The following PDE4B variants were observed in gnomAD, a reference collection of about 807,000 sequenced individuals.
PDE4B encodes 3',5'-cyclic-AMP phosphodiesterase 4B.
In PDE4B, 20 loss-of-function variants were observed where a neutral mutation model predicts 82.2. The observed-to-expected ratio is 0.24, with a 90% CI of 0.17 to 0.35. The LOEUF (loss-of-function observed/expected upper bound fraction) is 0.35, where lower values mean the gene tolerates loss of function less well. Among genes scored for constraint, PDE4B ranks in the 10% least tolerant of loss-of-function variants. The pLI, the probability that PDE4B is intolerant of heterozygous loss-of-function variation, is 1.00. For missense variants in PDE4B, 655 were observed against 907.2 expected, an observed-to-expected ratio of 0.72 and a Z score of 3.57; for synonymous variants, 320 against 318.9, an observed-to-expected ratio of 1.00 and a Z score of -0.04.
chr1:65,986,991 A>G (rs950043503), intron 3 of PDE4B, among the ~76,000 whole-genome samples: 9 of 152,166 alleles, frequency 5.9e-5, no homozygotes, highest in Non-Finnish European at 1.0e-4. Context: ...TTCTGTGAAC[A>G]AAAAGGAGGC....
At chr1:66,106,299 T>C (rs1645353874) in intron 3 of PDE4B, among the ~76,000 whole-genome samples, 1 of 151,088 alleles carries the variant, frequency 6.6e-6, no homozygotes, top group Middle Eastern at 3.2e-3. Context: ...CACTTGATCA[T>C]GGTGGATAAG....
intron 3 of PDE4B, among the ~76,000 whole-genome samples, chr1:66,060,610 A>G (rs193160915): frequency 7.5e-4 from 115 of 152,322 alleles, no homozygotes; most frequent in Middle Eastern, 3.4e-3. Context: ...AAATTTTGAT[A>G]TATTTGGCTA....
intron 3 of PDE4B, among the ~76,000 whole-genome samples, chr1:66,153,119 T>C (rs1023187956): frequency 6.6e-6 from 1 of 152,170 alleles, no homozygotes; most frequent in African/African-American, 2.4e-5. Context: ...CTCTCCCACC[T>C]TGTATTTTCC....
At chr1:66,089,267 G>C (rs189705886) in intron 3 of PDE4B, among the ~76,000 whole-genome samples, 1 of 152,078 alleles carries the variant, frequency 6.6e-6, no homozygotes, top group Non-Finnish European at 1.5e-5. Context: ...ATAGCCATCC[G>C]CTACGTAGCC....
At chr1:66,006,297 T>C (rs1416851746) in intron 3 of PDE4B, among the ~76,000 whole-genome samples, 1 of 152,132 alleles carries the variant, frequency 6.6e-6, no homozygotes, top group Non-Finnish European at 1.5e-5. Context: ...TGGCTAGTAT[T>C]TTCGTTTTTT....
chr1:65,861,948 G>T (rs533146783), intron 1 of PDE4B, among the ~76,000 whole-genome samples: 15 of 152,160 alleles, frequency 9.9e-5, no homozygotes, highest in African/African-American at 3.6e-4. Flanking sequence ...GGAGTTTTTG[G>T]GCTGAAATGA....
chr1:65,876,442 A>C (rs1039791587), intron 1 of PDE4B, among the ~76,000 whole-genome samples: 1 of 152,158 alleles, frequency 6.6e-6, no homozygotes, highest in Non-Finnish European at 1.5e-5. Flanking sequence ...TTACATGTAC[A>C]TACATACATA....
chr1:66,366,844 C>CA (rs1256604909), intron 13 of PDE4B, among the ~76,000 whole-genome samples: 1 of 152,188 alleles, frequency 6.6e-6, no homozygotes, highest in Non-Finnish European at 1.5e-5. Context: ...ATGAACAAAA[C>CA]AAGAGTACTC....
At chr1:66,042,611 T>C (rs1654448403) in intron 3 of PDE4B, 1 of 151,694 alleles carries the variant, frequency 6.6e-6, no homozygotes, top group African/African-American at 2.4e-5. Context: ...TACAACAAGC[T>C]CTCCATAAAG....
chr1:66,151,922 A>C (rs140094049), intron 3 of PDE4B, among the ~76,000 whole-genome samples: 1 of 152,212 alleles, frequency 6.6e-6, no homozygotes, highest in Non-Finnish European at 1.5e-5. Context: ...TATGTTTCTT[A>C]TAGCACCTAG....
intron 3 of PDE4B, among the ~76,000 whole-genome samples, chr1:66,206,272 A>G (rs1649544052): frequency 6.6e-6 from 1 of 152,180 alleles, no homozygotes; most frequent in Non-Finnish European, 1.5e-5. Context: ...ATTATGAGCT[A>G]GCTTCAGAAG....
chr1:66,003,322 G>A (rs2100715435), intron 3 of PDE4B, among the ~76,000 whole-genome samples: 1 of 146,660 alleles, frequency 6.8e-6, no homozygotes, highest in African/African-American at 2.5e-5. Flanking sequence ...AAATTTTATT[G>A]TCTTGTTTTG....
intron 3 of PDE4B, among the ~76,000 whole-genome samples, chr1:66,187,761 T>G (rs943614260): frequency 1.3e-5 from 2 of 151,980 alleles, no homozygotes; most frequent in African/African-American, 4.8e-5. Flanking sequence ...TCTATCAATT[T>G]TGTTGATCCT....
intron 3 of PDE4B, among the ~76,000 whole-genome samples, chr1:65,941,037 G>T (rs1648419250): frequency 6.6e-6 from 1 of 151,888 alleles, no homozygotes; most frequent in South Asian, 2.1e-4. Context: ...ATATAATGTT[G>T]CAGATAAAGT....
Position 66,321,607 on chromosome 1 carries a change from G to T in PDE4B, c.635-10901G>T, listed in dbSNP as rs140237434. On this transcript the variant is annotated intron_variant, in intron 7 of 16. Coordinates refer to ENST00000341517, the MANE Select transcript of PDE4B (RefSeq NM_002600.4). ...GAACTGCACTCTCTGCTTCAAGATG[G>T]CCCCTTGTTTATGTGAAGGACCTCT... 3.2e-3 allele frequency among the ~76,000 whole-genome samples: 487 copies of T among 152,070 alleles called. 2 individuals carry two copies. The highest frequency in any genetic ancestry group is 6.8e-3 in the Middle Eastern group (2 of 294).
chr1:66,116,791 C>A (rs1336947060), intron 3 of PDE4B, among the ~76,000 whole-genome samples: 1 of 152,166 alleles, frequency 6.6e-6, no homozygotes, highest in African/African-American at 2.4e-5. Context: ...TCTCCAGCTC[C>A]TGGGCTCAAG....
chr1:66,179,579 T>C (rs1647017241), intron 3 of PDE4B, among the ~76,000 whole-genome samples: 1 of 152,240 alleles, frequency 6.6e-6, no homozygotes, highest in African/African-American at 2.4e-5. Context: ...CCTTACTGAA[T>C]TTGCAATGTG....
At chr1:66,119,987 C>T (rs1029479062) in intron 3 of PDE4B, among the ~76,000 whole-genome samples, 1 of 152,146 alleles carries the variant, frequency 6.6e-6, no homozygotes, top group Admixed American at 6.5e-5. Flanking sequence ...CCATATATCC[C>T]TCAGAGGGGA....
intron 3 of PDE4B, among the ~76,000 whole-genome samples, chr1:66,199,052 A>G (rs1463167752): frequency 2.0e-5 from 3 of 151,848 alleles, no homozygotes; most frequent in Admixed American, 2.0e-4. Context: ...GCTATTGTGA[A>G]TAATGCTGCA....
Sources: gnomAD v4.1 joint callset for allele counts (sites outside exome capture counted in the v4.1 genomes callset) on GRCh38, gnomAD v4.1.1 for gene constraint, MANE v1.5 for transcripts, NCBI Gene and HGNC (gene_info 2026-07-23, HGNC 2026-07-21) for gene names.